PARP4: variants seen among roughly 807,000 people sequenced by gnomAD.
PARP4 encodes the protein poly(ADP-ribose) polymerase family member 4.
A neutral mutation model predicts 187.7 loss-of-function variants in PARP4; 120 were observed. The observed-to-expected ratio is 0.64, with a 90% CI of 0.55 to 0.74. PARP4 has a LOEUF of 0.74. Ranked by LOEUF, PARP4 falls within the 30% of genes least tolerant of loss-of-function variation. The pLI is 0.00. For missense variants in PARP4, 1,836 were observed against 2,070.5 expected, an observed-to-expected ratio of 0.89 and a Z score of 2.20; for synonymous variants, 654 against 740.9, an observed-to-expected ratio of 0.88 and a Z score of 1.90.
At chr13:24,449,141 C>T (rs1476207747) in intron 25 of PARP4, among the ~76,000 whole-genome samples, 1 of 152,130 alleles carries the variant, frequency 6.6e-6, no homozygotes, top group Non-Finnish European at 1.5e-5. Context: ...GTAATCCCAG[C>T]ACTTTGGGAG....
chr13:24,459,288 A>T lies in PARP4; in HGVS notation c.2321T>A (p.Ile774Lys). 6.3e-7 allele frequency: 1 copy of T among 1,575,686 alleles called. No homozygotes were observed. The highest frequency in any genetic ancestry group is 1.4e-5 in the African/African-American group (1 of 73,458). ...CCTTTGCTTTGTTCCTATTTCTTTTATACAAATCTTCTCTACTGTATCCTG... is the reference window on the plus strand; with the variant it reads ...CCTTTGCTTTGTTCCTATTTCTTTTTTACAAATCTTCTCTACTGTATCCTG... ...NLQDTVEKIC[I>K]KEIGTKQSFS... Residue 774 changes from isoleucine to lysine, a missense_variant, in exon 19 of 34, where the codon ATA (isoleucine) becomes AAA (lysine). This residue lies in a region of PARP4 where 1,147 missense variants were observed against 1,214.2 expected (regional missense o/e 0.94). Coordinates refer to ENST00000381989, the MANE Select transcript of PARP4 (RefSeq NM_006437.4).
chr13:24,435,153 T>C lies in PARP4; in HGVS notation c.3988A>G (p.Thr1330Ala), dbSNP rs1351468735. The change falls in exon 31 of 34, where the codon ACT (threonine) becomes GCT (alanine). Residue 1330 changes from threonine (T) to alanine (A), a missense_variant. By Grantham distance (58) the Thr-to-Ala change is moderately conservative (BLOSUM62 0). Transcript: ENST00000381989. ...GAAGCAGGACTGTGAGCGCGGGCAGTCGGGGGAAGATAGGAACCAACGGCC... is the reference window on the plus strand; with the variant it reads ...GAAGCAGGACTGTGAGCGCGGGCAGCCGGGGGAAGATAGGAACCAACGGCC... ...APAVGSYLPP[T>A]ARAHSPASLS... 2 of 1,614,092 alleles carry C rather than the reference T, an allele frequency of 1.2e-6. No individual in the cohort carries two copies. Among genetic ancestry groups the C allele is most frequent in the South Asian group, 1.1e-5 (1 of 91,070 alleles).
chr13:24,469,581 A>G (rs1293300483), intron 16 of PARP4, among the ~76,000 whole-genome samples: 1 of 152,094 alleles, frequency 6.6e-6, no homozygotes, highest in Non-Finnish European at 1.5e-5. Context: ...AAGTGCTGGG[A>G]TTACAGGCAT....
chr13:24,455,505 AT>A (rs1447731571), intron 21 of PARP4, among the ~76,000 whole-genome samples: 14 of 136,034 alleles, frequency 1.0e-4, no homozygotes, highest in Non-Finnish European at 1.6e-4. Flanking sequence ...ATATATATAT[AT>A]CACACTATTC....
In PARP4 at chr13:24,452,383, G is replaced by A. The variant is rs9581052; in HGVS notation, c.3014+23C>T. On this transcript the variant is annotated intron_variant, in intron 24 of 33. Transcript: ENST00000381989. ...CGACCTCCCCGTGGGTCTGGACTAT[G>A]TGACCAGCTCTCTGAGACTCACCCG... 0.012 allele frequency: 18,741 copies of A among 1,597,488 alleles called. 1,368 individuals carry two copies. In the African/African-American group the frequency reaches 0.18, roughly 16 times the overall value.
chr13:24,511,145 G>A (rs1313867432), intron 1 of PARP4, among the ~76,000 whole-genome samples: 1 of 152,146 alleles, frequency 6.6e-6, no homozygotes, highest in African/African-American at 2.4e-5. Flanking sequence ...CTGCGGCTGC[G>A]TGGGAGGTAT....
chr13:24,487,155 G>A (rs1873605198), intron 10 of PARP4, among the ~76,000 whole-genome samples: 1 of 151,778 alleles, frequency 6.6e-6, no homozygotes, highest in South Asian at 2.1e-4. Flanking sequence ...AGCTACTCAG[G>A]AGGCTGAGGC....
intron 5 of PARP4, among the ~76,000 whole-genome samples, chr13:24,498,764 G>C (rs969985407): frequency 1.3e-5 from 2 of 151,660 alleles, no homozygotes; most frequent in Non-Finnish European, 2.9e-5. Flanking sequence ...AAAAAAAAAG[G>C]ATTTTGTTTT....
intron 5 of PARP4, 116 bp from the exon 6 acceptor site, chr13:24,498,345 A>G: frequency 1.6e-6 from 1 of 640,040 alleles, no homozygotes; most frequent in East Asian, 2.9e-5. Flanking sequence ...ATAATTTAGA[A>G]AATATAGAAA....
intron 14 of PARP4, among the ~76,000 whole-genome samples, chr13:24,476,214 A>C (rs1872977472): frequency 6.6e-6 from 1 of 151,900 alleles, no homozygotes; most frequent in South Asian, 2.1e-4. Context: ...CCTGTGCTCA[A>C]GTAATCCTCC....
At position 24,446,637 on chromosome 13, in the gene PARP4, T is replaced by G; in HGVS notation, c.3366+44A>C. On this transcript the variant is annotated intron_variant, in intron 27 of 33. Coordinates refer to ENST00000381989, the MANE Select transcript of PARP4 (RefSeq NM_006437.4). ...CATTATATATGGAAATATAAAATCA[T>G]AACTTTCAAACAATGGGTTGATAGT... The G allele has an allele frequency of 2.3e-6, 3 of 1,303,242 alleles. No individual in the cohort carries two copies. The Admixed American group carries it at 5.1e-5, about 22-fold the overall frequency. 80.7% of individuals were successfully genotyped at this position (1,303,242 alleles called of 1,614,324 possible). A position where few individuals can be genotyped will look rare whatever the true frequency, so the allele number is the denominator to read the frequency against.
rs779283324 is a variant in PARP4 at position 24,426,582 on chromosome 13, T to G, written c.4863A>C (p.Glu1621Asp). The part of the protein sequence containing the change: ...GIQSLGVKGR[E>D]CLLDLIATML... ...TTGTGGCAATTAGGTCCAGGAGACA[T>G]TCTCTTCCTTTTACACCTAAAAGGA... is the stretch of plus-strand genomic sequence containing the variant. The change falls in exon 33 of 34, where the codon GAA becomes GAC. Residue 1621 changes from glutamate (E) to aspartate (D), a missense_variant. Physicochemically the swap from Glu to Asp is conservative, Grantham distance 45. Around this residue, in one of 8 missense-constraint regions of PARP4, gnomAD observed 45 missense variants for 53.1 expected, o/e 0.85. Transcript: ENST00000381989. The G allele has an allele frequency of 6.2e-7, 1 of 1,612,372 alleles. No homozygotes were observed. Among genetic ancestry groups the G allele is most frequent in the East Asian group, 2.2e-5 (1 of 44,866 alleles).
chr13:24,472,642 T>C (rs1385877276), intron 15 of PARP4, among the ~76,000 whole-genome samples: 1 of 152,074 alleles, frequency 6.6e-6, no homozygotes, highest in African/African-American at 2.4e-5. Context: ...AACTTAACTT[T>C]CCAAGCTCTA....
At chr13:24,455,335 G>T in intron 21 of PARP4, 123 bp from the exon 22 acceptor site, 2 of 570,860 alleles carry the variant, frequency 3.5e-6, no homozygotes, top group Non-Finnish European at 5.7e-6. Flanking sequence ...GAAAGAATAA[G>T]ATGTAATTAA....
At chr13:24,495,436 G>A (rs9553322) in intron 6 of PARP4, among the ~76,000 whole-genome samples, 19,735 of 152,138 alleles carry the variant, frequency 0.13, 1,637 homozygotes, top group East Asian at 0.3. Context: ...TGTTAGAGAC[G>A]GGCACACAGC....
intron 33 of PARP4, among the ~76,000 whole-genome samples, chr13:24,425,038 A>G (rs1357303399): frequency 6.6e-6 from 1 of 151,148 alleles, no homozygotes; most frequent in Non-Finnish European, 1.5e-5. Flanking sequence ...ACAGTGGTTC[A>G]TGTCTGTAAT....
At chr13:24,438,079 T>C (rs9511264) in intron 30 of PARP4, among the ~76,000 whole-genome samples, 60,219 of 151,732 alleles carry the variant, frequency 0.4, 12,190 homozygotes, top group African/African-American at 0.46. Context: ...CTTCTATTTG[T>C]CAAAATCACT....
chr13:24,493,633 A>C lies in PARP4; in HGVS notation c.842T>G (p.Met281Arg). The C allele has an allele frequency of 6.2e-7, 1 of 1,613,988 alleles. No individual in the cohort carries two copies. The highest frequency in any genetic ancestry group is 8.5e-7 in the Non-Finnish European group (1 of 1,179,970). ...WAEALGHLEH[M>R]LLKPVNRISL... ...AATCCTGTTCACTGGCTTGAGAAGC[A>C]TGTGTTCCAGGTGGCCCAGGGCCTC... Residue 281 changes from methionine to arginine, a missense_variant, in exon 8 of 34, where the codon ATG becomes AGG. Transcript: ENST00000381989.
At chr13:24,471,344 C>G (rs1872721400) in intron 15 of PARP4, among the ~76,000 whole-genome samples, 1 of 152,190 alleles carries the variant, frequency 6.6e-6, no homozygotes, top group South Asian at 2.1e-4. Context: ...GCAGGAGTCC[C>G]CAGACATCAG....
Sources: gnomAD v4.1 joint callset for allele counts (sites outside exome capture counted in the v4.1 genomes callset) on GRCh38, gnomAD v4.1.1 for gene constraint, gnomAD v4.1.1 regional missense constraint, MANE v1.5 for transcripts, NCBI Gene and HGNC (gene_info 2026-07-23, HGNC 2026-07-21) for gene names.